CSNK2A2IP: variants seen among roughly 807,000 people sequenced by gnomAD.
CSNK2A2IP encodes casein kinase 2 subunit alpha' interacting protein.
the CSNK2A2IP span, among the ~76,000 whole-genome samples, chr3:88,460,163 C>A: frequency 6.6e-6 from 1 of 151,850 alleles, no homozygotes; most frequent in East Asian, 1.9e-4. Context: ...TCAGTTAATT[C>A]TTTCATGGTG....
At chr3:88,461,545 T>C in the CSNK2A2IP span, among the ~76,000 whole-genome samples, 2 of 152,164 alleles carry the variant, frequency 1.3e-5, no homozygotes, top group Non-Finnish European at 2.9e-5. Flanking sequence ...AGAGCGAGAC[T>C]CTGTTTCAAA....
At chr3:88,344,932 A>G in the CSNK2A2IP span, among the ~76,000 whole-genome samples, 1 of 152,116 alleles carries the variant, frequency 6.6e-6, no homozygotes, top group East Asian at 1.9e-4. Flanking sequence ...CCTTTTGAAT[A>G]TCATGTTTTA....
the CSNK2A2IP span, chr3:88,466,356 G>C: frequency 8.1e-7 from 1 of 1,231,618 alleles, no homozygotes; most frequent in Non-Finnish European, 1.0e-6. Flanking sequence ...GTAACTTCCA[G>C]ACCACGAATT....
At chr3:88,350,820 T>C in the CSNK2A2IP span, among the ~76,000 whole-genome samples, 795 of 152,218 alleles carry the variant, frequency 5.2e-3, 9 homozygotes, top group African/African-American at 0.018. Flanking sequence ...GTTTCTTTAC[T>C]ACAGAGGGTT....
At chr3:88,348,306 T>C in the CSNK2A2IP span, among the ~76,000 whole-genome samples, 3 of 152,138 alleles carry the variant, frequency 2.0e-5, no homozygotes, top group East Asian at 5.8e-4. Context: ...TTAATTATGG[T>C]GTAACAAATT....
the CSNK2A2IP span, among the ~76,000 whole-genome samples, chr3:88,414,608 A>G: frequency 6.6e-6 from 1 of 151,908 alleles, no homozygotes; most frequent in Non-Finnish European, 1.5e-5. Context: ...CAGGATTTTT[A>G]AAAAGGCAGA....
the CSNK2A2IP span, among the ~76,000 whole-genome samples, chr3:88,435,119 T>C: frequency 6.6e-6 from 1 of 152,170 alleles, no homozygotes; most frequent in Non-Finnish European, 1.5e-5. Flanking sequence ...GTTGTTTGCC[T>C]GCAAATACCA....
the CSNK2A2IP span, among the ~76,000 whole-genome samples, chr3:88,339,268 T>TC: frequency 1.8e-5 from 1 of 55,504 alleles, no homozygotes; most frequent in Non-Finnish European, 7.3e-5. Context: ...CATGAGTTCA[T>TC]TTTTTTTTTA....
the CSNK2A2IP span, among the ~76,000 whole-genome samples, chr3:88,339,549 G>C: frequency 6.6e-6 from 1 of 151,934 alleles, no homozygotes; most frequent in Non-Finnish European, 1.5e-5. Flanking sequence ...TTTTCTTTAA[G>C]CTTTATACCC....
chr3:88,378,195 T>C, the CSNK2A2IP span, among the ~76,000 whole-genome samples: 1 of 151,976 alleles, frequency 6.6e-6, no homozygotes, highest in African/African-American at 2.4e-5. Flanking sequence ...TTACCCTTTA[T>C]TGTCTCATCA....
At chr3:88,388,564 TA>T in the CSNK2A2IP span, among the ~76,000 whole-genome samples, 1 of 152,200 alleles carries the variant, frequency 6.6e-6, no homozygotes, top group African/African-American at 2.4e-5. Context: ...TGCAAGTCTG[TA>T]ATTCAATGTT....
chr3:88,373,873 A>G, the CSNK2A2IP span, among the ~76,000 whole-genome samples: 1 of 151,600 alleles, frequency 6.6e-6, no homozygotes, highest in Non-Finnish European at 1.5e-5. Context: ...CATTACAAAA[A>G]TTAATAAGAT....
the CSNK2A2IP span, among the ~76,000 whole-genome samples, chr3:88,366,182 T>C: frequency 3.3e-5 from 5 of 152,142 alleles, no homozygotes; most frequent in Non-Finnish European, 7.3e-5. Flanking sequence ...CACTTTGAGG[T>C]CCCACAGACC....
At chr3:88,361,828 G>A in the CSNK2A2IP span, among the ~76,000 whole-genome samples, 10 of 151,226 alleles carry the variant, frequency 6.6e-5, no homozygotes, top group South Asian at 1.0e-3. Context: ...TTTTCTTATA[G>A]CCTGTCTTCA....
the CSNK2A2IP span, among the ~76,000 whole-genome samples, chr3:88,363,730 C>T: frequency 6.6e-6 from 1 of 152,096 alleles, no homozygotes; most frequent in Non-Finnish European, 1.5e-5. Context: ...TCTGGTTTTC[C>T]TTTTATGACT....
chr3:88,411,165 T>C, the CSNK2A2IP span, among the ~76,000 whole-genome samples: 2 of 151,930 alleles, frequency 1.3e-5, no homozygotes, highest in African/African-American at 4.8e-5. Flanking sequence ...AATGAGAACA[T>C]CAAAGAATGT....
the CSNK2A2IP span, among the ~76,000 whole-genome samples, chr3:88,386,497 G>T: frequency 1.3e-5 from 2 of 152,154 alleles, no homozygotes; most frequent in African/African-American, 4.8e-5. Flanking sequence ...TTGAGGTTTG[G>T]TCAGGAAAGT....
At chr3:88,410,391 CAT>C in the CSNK2A2IP span, among the ~76,000 whole-genome samples, 1 of 151,976 alleles carries the variant, frequency 6.6e-6, no homozygotes, top group African/African-American at 2.4e-5. Context: ...CACTGGGACT[CAT>C]ATGTTTATAA....
the CSNK2A2IP span, among the ~76,000 whole-genome samples, chr3:88,416,772 C>T: frequency 6.6e-6 from 1 of 152,132 alleles, no homozygotes; most frequent in African/African-American, 2.4e-5. Context: ...TCCTGAAATT[C>T]AAGCTGCTTG....
Sources: gnomAD v4.1 joint callset for allele counts (sites outside exome capture counted in the v4.1 genomes callset) on GRCh38, gnomAD v4.1.1 for gene constraint, MANE v1.5 for transcripts, NCBI Gene and HGNC (gene_info 2026-07-23, HGNC 2026-07-21) for gene names.